The following MIR2052HG variants were observed in gnomAD, a reference collection of about 807,000 sequenced individuals.
MIR2052HG encodes MIR2052 host gene.
rs1477041199 is a variant in MIR2052HG at position 74,714,763 on chromosome 8, G to T, written n.371+11081G>T. ...CACTCCACCCAGGCTGGAGTGCAGTGGTGCAATCTCGGCTCGCTGCAACCT... is the reference window on the plus strand; with the variant it reads ...CACTCCACCCAGGCTGGAGTGCAGTTGTGCAATCTCGGCTCGCTGCAACCT... On this transcript the variant is annotated intron_variant and non_coding_transcript_variant, in intron 4 of 6. Transcript: ENST00000523442. Among the ~76,000 whole-genome samples, 3 of 148,094 alleles carry T rather than the reference G, an allele frequency of 2.0e-5. No individual in the cohort carries two copies. In the East Asian group the frequency reaches 5.9e-4, roughly 29 times the overall value.
rs150643459 is a variant in MIR2052HG at position 74,617,323 on chromosome 8, A to T, written n.216+4383A>T. Among the ~76,000 whole-genome samples the T allele has an allele frequency of 1.6e-4, 24 of 152,190 alleles. No individual in the cohort carries two copies. The East Asian group carries it at 3.9e-3, about 25-fold the overall frequency. ...TGTGCCCATCATTTAGCTCTCATTT[A>T]TAAGTGAGAACATGCAGTATTTGTT... On this transcript the variant is annotated intron_variant and non_coding_transcript_variant, in intron 2 of 6. Transcript: ENST00000523442.
chr8:74,609,041 A>G (rs1808153153), intron 1 of MIR2052HG, among the ~76,000 whole-genome samples: 1 of 152,036 alleles, frequency 6.6e-6, no homozygotes, highest in Admixed American at 6.5e-5. Flanking sequence ...AATAAAGTTA[A>G]TAGGCTTTTT....
chr8:74,689,955 G>A (rs567991953), intron 2 of MIR2052HG, among the ~76,000 whole-genome samples: 1 of 152,258 alleles, frequency 6.6e-6, no homozygotes. Flanking sequence ...CTATGGGCCA[G>A]ACATGTAAGA....
chr8:74,706,079 G>A (rs894332674), intron 4 of MIR2052HG, among the ~76,000 whole-genome samples: 2 of 152,112 alleles, frequency 1.3e-5, no homozygotes, highest in African/African-American at 4.8e-5. Flanking sequence ...CAGCAAAGCA[G>A]TTCTGCTCTG....
chr8:74,698,952 A>G (rs753106318), intron 2 of MIR2052HG, among the ~76,000 whole-genome samples: 5 of 151,940 alleles, frequency 3.3e-5, no homozygotes, highest in Admixed American at 6.6e-5. Flanking sequence ...AGGGTTAAGA[A>G]CATGAATAGA....
intron 4 of MIR2052HG, among the ~76,000 whole-genome samples, chr8:74,740,848 G>A (rs1344792148): frequency 5.9e-5 from 9 of 152,060 alleles, no homozygotes; most frequent in Admixed American, 2.0e-4. Context: ...ACTCAAATAC[G>A]TTATTTCCAT....
intron 4 of MIR2052HG, among the ~76,000 whole-genome samples, chr8:74,750,572 G>T (rs1809934291): frequency 1.1e-5 from 1 of 91,554 alleles, no homozygotes; most frequent in Admixed American, 1.2e-4. Context: ...TTGACAAGGA[G>T]TTGTGTTGTG....
Position 74,664,322 on chromosome 8 carries a change from A to G in MIR2052HG, n.217-38057A>G, listed in dbSNP as rs192157713. On this transcript the variant is annotated intron_variant and non_coding_transcript_variant, in intron 2 of 6. Coordinates refer to ENST00000523442, the Ensembl canonical transcript of MIR2052HG. ...ATTCTCCAGAACAAGGGCTTTAGTGACAGCCTAAGGCAAATCATTTGAGGA... is the reference window on the plus strand; with the variant it reads ...ATTCTCCAGAACAAGGGCTTTAGTGGCAGCCTAAGGCAAATCATTTGAGGA... Among the ~76,000 whole-genome samples the G allele has an allele frequency of 4.3e-4, 65 of 152,282 alleles. 1 individual carries two copies. Among genetic ancestry groups the G allele is most frequent in the Non-Finnish European group, 8.4e-4 (57 of 68,028 alleles).
At chr8:74,657,452 T>C (rs1808818048) in intron 2 of MIR2052HG, among the ~76,000 whole-genome samples, 1 of 152,184 alleles carries the variant, frequency 6.6e-6, no homozygotes, top group Non-Finnish European at 1.5e-5. Context: ...GAGTGGGCCA[T>C]GGACTGGCAG....
chr8:74,673,910 T>TATATATATATATATATATACATAC (rs1485340799), intron 2 of MIR2052HG, among the ~76,000 whole-genome samples: 2 of 133,244 alleles, frequency 1.5e-5, no homozygotes, highest in African/African-American at 6.8e-5. Context: ...TATATATATA[T>TATATATATATATATATATACATAC]ACACACACAA....
At chr8:74,707,361 T>A (rs2128741413) in intron 4 of MIR2052HG, among the ~76,000 whole-genome samples, 1 of 152,196 alleles carries the variant, frequency 6.6e-6, no homozygotes, top group African/African-American at 2.4e-5. Flanking sequence ...AAATACAAAG[T>A]CTGTGAAATA....
At chr8:74,600,562 C>G (rs1807982203) in intron 1 of MIR2052HG, among the ~76,000 whole-genome samples, 1 of 148,194 alleles carries the variant, frequency 6.7e-6, no homozygotes, top group Admixed American at 6.7e-5. Context: ...GAGCAAAACT[C>G]CCTCTCAAAA....
intron 2 of MIR2052HG, among the ~76,000 whole-genome samples, chr8:74,659,242 T>A (rs928598610): frequency 3.9e-5 from 6 of 152,236 alleles, no homozygotes; most frequent in Admixed American, 1.3e-4. Context: ...AAATAATTTT[T>A]ACAAAACAGC....
At position 74,729,906 on chromosome 8, in the gene MIR2052HG, T is replaced by A. The variant is rs114848467; in HGVS notation, n.372-22535T>A. 5.9e-3 allele frequency among the ~76,000 whole-genome samples: 903 copies of A among 152,264 alleles called. 11 individuals are homozygous for A. Among genetic ancestry groups the A allele is most frequent in the African/African-American group, 0.02 (833 of 41,554 alleles). On this transcript the variant is annotated intron_variant and non_coding_transcript_variant, in intron 4 of 6. Transcript: ENST00000523442. ...CTCTATGGTTGTAAATGTATACACATAAAACTAATAGTTATGGTAGAGTGA... is the reference window on the plus strand; with the variant it reads ...CTCTATGGTTGTAAATGTATACACAAAAAACTAATAGTTATGGTAGAGTGA...
chr8:74,603,568 C>T, intron 1 of MIR2052HG: 1 of 1,544,814 alleles, frequency 6.5e-7, no homozygotes, highest in Non-Finnish European at 9.0e-7. Context: ...TCCAGTGTTG[C>T]CATGCGTCAT....
At chr8:74,688,911 G>A (rs1434252765) in intron 2 of MIR2052HG, among the ~76,000 whole-genome samples, 2 of 152,054 alleles carry the variant, frequency 1.3e-5, no homozygotes, top group Non-Finnish European at 2.9e-5. Flanking sequence ...AACATAAGAT[G>A]TTTGGTCTTC....
chr8:74,728,924 C>T (rs1809662511), intron 4 of MIR2052HG, among the ~76,000 whole-genome samples: 1 of 152,036 alleles, frequency 6.6e-6, no homozygotes, highest in African/African-American at 2.4e-5. Flanking sequence ...TATAGCATTG[C>T]CTTTGGTTAT....
chr8:74,693,528 G>A (rs1293187873), intron 2 of MIR2052HG, among the ~76,000 whole-genome samples: 2 of 150,060 alleles, frequency 1.3e-5, no homozygotes, highest in Admixed American at 1.3e-4. Flanking sequence ...TCAGTGGGGA[G>A]GCTTAGAGCC....
chr8:74,624,507 G>C lies in MIR2052HG; in HGVS notation n.216+11567G>C, dbSNP rs181158524. ...TACACAACTGGCTCTTCCCTTAGTT[G>C]CTGTTGTTTTTAAATCCAGATTCCC... On this transcript the variant is annotated intron_variant and non_coding_transcript_variant, in intron 2 of 6. Coordinates refer to ENST00000523442, the Ensembl canonical transcript of MIR2052HG. Among the ~76,000 whole-genome samples, 7 of 152,268 alleles carry C rather than the reference G, an allele frequency of 4.6e-5. No individual in the cohort carries two copies. In the East Asian group the frequency reaches 1.3e-3, roughly 29 times the overall value.
Sources: gnomAD v4.1 joint callset for allele counts (sites outside exome capture counted in the v4.1 genomes callset) on GRCh38, gnomAD v4.1.1 for gene constraint, MANE v1.5 for transcripts, NCBI Gene and HGNC (gene_info 2026-07-23, HGNC 2026-07-21) for gene names.